The following NBEAL1 variants were observed in gnomAD, a reference collection of about 807,000 sequenced individuals.
NBEAL1 encodes neurobeachin-like protein 1.
A neutral mutation model predicts 351.3 loss-of-function variants in NBEAL1; 273 were observed. The ratio of observed to expected loss-of-function variants is 0.78; its 90% confidence interval spans 0.70 to 0.86. The LOEUF (loss-of-function observed/expected upper bound fraction) is 0.86, where lower values mean the gene tolerates loss of function less well. NBEAL1 is among the 40% of genes least tolerant of loss of function. The pLI, the probability that NBEAL1 is intolerant of heterozygous loss-of-function variation, is 0.00. For synonymous variants in NBEAL1, 1,050 were observed against 1,086.4 expected (o/e 0.97, Z 0.66); for missense variants, 2,961 against 3,201.3 (o/e 0.92, Z 1.81).
rs76144209 is a variant in NBEAL1 at position 203,075,821 on chromosome 2, T to C, written c.599-1931T>C. ...TTCCTTCTTGTGTGTATCACAGTTC[T>C]GTGACCCAGTTTCTGGAACTGATTT... is the stretch of plus-strand genomic sequence containing the variant. On this transcript the variant is annotated intron_variant, in intron 7 of 55. Coordinates refer to ENST00000683969, the MANE Select transcript of NBEAL1 (RefSeq NM_001378026.1). 2.2e-4 allele frequency among the ~76,000 whole-genome samples: 34 copies of C among 152,370 alleles called. 1 individual carries two copies. The East Asian group carries it at 6.4e-3, about 29-fold the overall frequency.
chr2:203,180,448 A>C lies in NBEAL1; in HGVS notation c.6531A>C (p.Pro2177=), dbSNP rs1483539172. The C allele has an allele frequency of 1.2e-6, 2 of 1,612,594 alleles. No homozygotes were observed. Among genetic ancestry groups the C allele is most frequent in the Non-Finnish European group, 1.7e-6 (2 of 1,179,062 alleles). The stretch of plus-strand genomic sequence containing the variant: ...CCTGGCAAGCTCTTATGGATAATCC[A>C]TATGATGTTAAAGAACTTATTCCTG... ...PATWQALMDN[P]YDVKELIPEF... The change falls in exon 43 of 56, where the codon CCA becomes CCC. Residue 2177 remains proline, a synonymous_variant. Transcript: ENST00000683969.
intron 2 of NBEAL1, among the ~76,000 whole-genome samples, chr2:203,027,977 G>A (rs1014002387): frequency 6.6e-6 from 1 of 151,980 alleles, no homozygotes; most frequent in Non-Finnish European, 1.5e-5. Flanking sequence ...TCCGCCTCTG[G>A]GGTTCAAACA....
intron 32 of NBEAL1, 25 bp downstream of exon 32, chr2:203,144,930 G>T: frequency 6.5e-7 from 1 of 1,537,236 alleles, no homozygotes; most frequent in South Asian, 1.2e-5. Flanking sequence ...TTTTGATCAA[G>T]ATTTTTCTGC....
chr2:203,178,772 G>C (rs1212514352), intron 42 of NBEAL1, among the ~76,000 whole-genome samples: 1 of 152,166 alleles, frequency 6.6e-6, no homozygotes, highest in Non-Finnish European at 1.5e-5. Context: ...CAGTCTCCAG[G>C]GGTGGGAGTA....
At chr2:203,126,440 A>T (rs1559384690) in intron 21 of NBEAL1, 117 bp from the exon 22 acceptor site, 3 of 821,252 alleles carry the variant, frequency 3.7e-6, no homozygotes, top group Non-Finnish European at 5.2e-6. Context: ...TTATTTTTCT[A>T]ATGTGGGTTT....
chr2:203,207,287 TG>T (rs1194853869), intron 51 of NBEAL1, among the ~76,000 whole-genome samples: 23 of 146,270 alleles, frequency 1.6e-4, no homozygotes, highest in Admixed American at 7.4e-4. Context: ...AGGAGGGAGG[TG>T]GGGGGGTCAG....
intron 18 of NBEAL1, among the ~76,000 whole-genome samples, chr2:203,121,425 G>T (rs1463145634): frequency 6.6e-6 from 1 of 152,080 alleles, no homozygotes; most frequent in East Asian, 1.9e-4. Context: ...GGCCGAGGTG[G>T]GTGGATCCCT....
intron 54 of NBEAL1, among the ~76,000 whole-genome samples, chr2:203,212,993 A>G (rs1268028292): frequency 1.3e-5 from 2 of 152,174 alleles, no homozygotes; most frequent in African/African-American, 2.4e-5. Context: ...CTTTATTTCT[A>G]TCTGTTTTAG....
chr2:203,138,561 T>A (rs2063280819), intron 30 of NBEAL1, 59 bp from the exon 31 acceptor site: 10 of 1,480,270 alleles, frequency 6.8e-6, no homozygotes, highest in Non-Finnish European at 8.2e-6. Flanking sequence ...GGAAAATTGA[T>A]CATCAGTAAA....
chr2:203,183,992 C>T (rs2064812753), intron 44 of NBEAL1, among the ~76,000 whole-genome samples: 1 of 148,814 alleles, frequency 6.7e-6, no homozygotes, highest in Admixed American at 6.8e-5. Context: ...GCAGGAGAAT[C>T]GCTTGAACCC....
intron 24 of NBEAL1, among the ~76,000 whole-genome samples, chr2:203,129,342 G>T (rs2063020391): frequency 6.6e-6 from 1 of 152,052 alleles, no homozygotes; most frequent in African/African-American, 2.4e-5. Context: ...AATTTAAGTA[G>T]ATTTATGTTG....
chr2:203,126,002 T>C lies in NBEAL1; in HGVS notation c.2894T>C (p.Ile965Thr), dbSNP rs892250560. The C allele has an allele frequency of 3.2e-6, 5 of 1,544,230 alleles. No individual in the cohort carries two copies. Among genetic ancestry groups the C allele is most frequent in the Non-Finnish European group, 4.4e-6 (5 of 1,144,028 alleles). ...ERNLVATFIL[I>T]VKHFIQRHPI... is the part of the protein sequence containing the mutation. ...AACCTAGTTGCAACATTTATCTTAA[T>C]TGTGAAACATTTTATTCAGAGACAT... Residue 965 changes from isoleucine to threonine, a missense_variant, in exon 21 of 56, where the codon ATT becomes ACT. Coordinates refer to ENST00000683969, the MANE Select transcript of NBEAL1 (RefSeq NM_001378026.1).
intron 2 of NBEAL1, among the ~76,000 whole-genome samples, chr2:203,026,506 A>ATTT (rs199701939): frequency 7.0e-6 from 1 of 143,256 alleles, no homozygotes; most frequent in African/African-American, 2.6e-5. Flanking sequence ...GCCATTTTAA[A>ATTT]TTTTTTTTTT....
intron 35 of NBEAL1, among the ~76,000 whole-genome samples, chr2:203,156,776 G>T (rs2063808218): frequency 1.3e-5 from 2 of 152,088 alleles, no homozygotes; most frequent in African/African-American, 2.4e-5. Flanking sequence ...GTTATTTGCA[G>T]TATTGTGTTA....
rs1261616274 is a variant in NBEAL1 at position 203,057,417 on chromosome 2, A to T, written c.479A>T (p.Tyr160Phe). 6.4e-7 allele frequency: 1 copy of T among 1,552,548 alleles called. No individual in the cohort carries two copies. The highest frequency in any genetic ancestry group is 8.7e-7 in the Non-Finnish European group (1 of 1,146,636). The change falls in exon 6 of 56, where the codon TAT becomes TTT. Residue 160 changes from tyrosine to phenylalanine, a missense_variant. Physicochemically the swap from Tyr to Phe is conservative, Grantham distance 22 (BLOSUM62 3). Transcript: ENST00000683969. ...GCATTGGCATTTTGTGAAAGCTTAT[A>T]TGATCCATATCGGAATTGGAGACAT... is the stretch of plus-strand genomic sequence containing the variant. The part of the protein sequence containing the change: ...IHALAFCESL[Y>F]DPYRNWRHRI...
At chr2:203,080,367 G>A (rs180921335) in intron 8 of NBEAL1, among the ~76,000 whole-genome samples, 10 of 152,102 alleles carry the variant, frequency 6.6e-5, no homozygotes, top group East Asian at 5.8e-4. Flanking sequence ...AGCCGAGATC[G>A]CACCACTGCA....
At chr2:203,178,123 A>C (rs2064575479) in intron 42 of NBEAL1, among the ~76,000 whole-genome samples, 1 of 151,356 alleles carries the variant, frequency 6.6e-6, no homozygotes, top group Non-Finnish European at 1.5e-5. Flanking sequence ...GCACACAAAA[A>C]TTTGCACATA....
intron 8 of NBEAL1, among the ~76,000 whole-genome samples, chr2:203,080,682 G>A (rs1436213350): frequency 6.6e-6 from 1 of 152,122 alleles, no homozygotes; most frequent in African/African-American, 2.4e-5. Context: ...GGTGGTCTGT[G>A]TGACCTTCTC....
intron 35 of NBEAL1, among the ~76,000 whole-genome samples, chr2:203,155,262 A>AG (rs1158039821): frequency 6.6e-6 from 1 of 150,768 alleles, no homozygotes; most frequent in African/African-American, 2.4e-5. Flanking sequence ...AAAAAAAAAA[A>AG]ATTGATTTAA....
Sources: gnomAD v4.1 joint callset for allele counts (sites outside exome capture counted in the v4.1 genomes callset) on GRCh38, gnomAD v4.1.1 for gene constraint, MANE v1.5 for transcripts, NCBI Gene and HGNC (gene_info 2026-07-23, HGNC 2026-07-21) for gene names.